The following FAM120B variants were observed in gnomAD, a reference collection of about 807,000 sequenced individuals.
FAM120B encodes constitutive coactivator of peroxisome proliferator-activated receptor gamma.
In FAM120B, 83 loss-of-function variants were observed where a neutral mutation model predicts 96.3. The ratio of observed to expected loss-of-function variants is 0.86; its 90% CI spans 0.72 to 1.03. The LOEUF (loss-of-function observed/expected upper bound fraction) is 1.03. Among genes scored for constraint, FAM120B ranks in the 50% least tolerant of loss-of-function variants. The probability of loss-of-function intolerance (pLI) is 0.00; values close to 1 mark genes in which losing one functional copy is unlikely to be tolerated. For missense variants in FAM120B, 1,027 were observed against 1,121.2 expected (o/e 0.92, Z 1.20); for synonymous variants, 407 against 402.7 (o/e 1.01, Z -0.13).
chr6:170,317,439 A>C lies in FAM120B; in HGVS notation c.49A>C (p.Ile17Leu), dbSNP rs113843282. The change falls in exon 2 of 11, where the codon ATA becomes CTA. Residue 17 changes from isoleucine to leucine, a missense_variant. Ile to Leu is a conservative substitution (Grantham distance 5, BLOSUM62 2). This residue lies in a region of FAM120B where 880 missense variants were observed against 980.9 expected (regional missense o/e 0.90). Transcript: ENST00000476287. ...QGFVGSTCPHICTVVNFKELA... is the reference protein window; with the variant it reads ...QGFVGSTCPHLCTVVNFKELA... ...ATTTGTGGGAAGTACCTGCCCACATATATGTACAGTAGTAAATTTCAAAGA... is the reference window on the plus strand; with the variant it reads ...ATTTGTGGGAAGTACCTGCCCACATCTATGTACAGTAGTAAATTTCAAAGA... 2 of 1,614,168 alleles carry C rather than the reference A, an allele frequency of 1.2e-6. No homozygotes were observed. The highest frequency in any genetic ancestry group is 2.2e-5 in the South Asian group (2 of 91,086).
At chr6:170,374,331 A>C (rs1022614) in intron 6 of FAM120B, among the ~76,000 whole-genome samples, 139,898 of 152,298 alleles carry the variant, frequency 0.92, 64,321 homozygotes, top group African/African-American at 0.95. Context: ...GGGAGCATGG[A>C]AAGTTTGGTT....
intron 1 of FAM120B, among the ~76,000 whole-genome samples, chr6:170,298,598 T>G (rs76288705): frequency 0.015 from 2,232 of 152,192 alleles, 51 homozygotes; most frequent in African/African-American, 0.052. Flanking sequence ...TAATAACTCA[T>G]GATCATACAA....
chr6:170,318,138 T>A lies in FAM120B; in HGVS notation c.748T>A (p.Tyr250Asn), dbSNP rs761682469. Reference sequence around the variant, plus strand: ...CTTTAGGTACAAATGCTTATCGTCCTACACCTCTGTAAAAGAGAACTTTGA... The same window carrying A: ...CTTTAGGTACAAATGCTTATCGTCCAACACCTCTGTAAAAGAGAACTTTGA... ...ESFRYKCLSSYTSVKENFDKK... is the reference protein window; with the variant it reads ...ESFRYKCLSSNTSVKENFDKK... The change falls in exon 2 of 11, where the codon TAC (tyrosine) becomes AAC (asparagine). Residue 250 changes from tyrosine (Y) to asparagine (N), a missense_variant. Physicochemically the swap from Tyr to Asn is moderately radical, Grantham distance 143 (BLOSUM62 -2). Transcript: ENST00000476287. 3 of 1,614,222 alleles carry A rather than the reference T, an allele frequency of 1.9e-6. No individual in the cohort carries two copies. The highest frequency in any genetic ancestry group is 2.5e-6 in the Non-Finnish European group (3 of 1,180,040).
At chr6:170,341,971 G>A (rs556753296) in intron 4 of FAM120B, among the ~76,000 whole-genome samples, 6 of 152,134 alleles carry the variant, frequency 3.9e-5, no homozygotes, top group Non-Finnish European at 8.8e-5. Flanking sequence ...GATTGATTAC[G>A]ATCATAGCCA....
intron 8 of FAM120B, among the ~76,000 whole-genome samples, chr6:170,393,782 A>G (rs1421673303): frequency 6.6e-6 from 1 of 152,152 alleles, no homozygotes; most frequent in Non-Finnish European, 1.5e-5. Context: ...CCCCAGCCCC[A>G]TGTTCTTGGG....
At chr6:170,305,536 GAAC>G, upstream of FAM120B, among the ~76,000 whole-genome samples, 1 of 152,276 alleles carries the variant, frequency 6.6e-6, no homozygotes, top group South Asian at 2.1e-4. Context: ...GTTTTTCCTA[GAAC>G]AATATTTGAC....
intron 6 of FAM120B, among the ~76,000 whole-genome samples, chr6:170,366,546 G>A (rs554072986): frequency 5.9e-5 from 9 of 152,286 alleles, no homozygotes; most frequent in East Asian, 1.9e-4. Context: ...GCCTACACCC[G>A]TCAGGGGCCC....
At chr6:170,401,188 C>T (rs533721100) in intron 9 of FAM120B, among the ~76,000 whole-genome samples, 1 of 152,314 alleles carries the variant, frequency 6.6e-6, no homozygotes, top group South Asian at 2.1e-4. Context: ...GCAGCAGATC[C>T]CTCGGCCATC....
Position 170,363,878 on chromosome 6 carries a change from A to G in FAM120B, c.2283+5560A>G, listed in dbSNP as rs1788615676. ...CTCCCGAGTAGCTGGGATTACGGGCATGCACCACCACACCCAGCTAATTTT... is the reference window on the plus strand; with the variant it reads ...CTCCCGAGTAGCTGGGATTACGGGCGTGCACCACCACACCCAGCTAATTTT... On this transcript the variant is annotated intron_variant, in intron 6 of 10. Coordinates refer to ENST00000476287, the MANE Select transcript of FAM120B (RefSeq NM_032448.3). The surrounding 1 kb of genome is among the most constrained non-coding windows in gnomAD (Gnocchi z 4.5). 6.6e-6 allele frequency among the ~76,000 whole-genome samples: 1 copy of G among 152,134 alleles called. No homozygotes were observed. Among genetic ancestry groups the G allele is most frequent in the South Asian group, 2.1e-4 (1 of 4,810 alleles).
At chr6:170,361,216 A>ACACG (rs577146615) in intron 6 of FAM120B, among the ~76,000 whole-genome samples, 1 of 106,862 alleles carries the variant, frequency 9.4e-6, no homozygotes, top group African/African-American at 3.8e-5. Context: ...ATATATATAT[A>ACACG]TATATATATA....
In FAM120B at chr6:170,323,243, A is replaced by G; in HGVS notation, c.1899A>G (p.Leu633=). ...RPIRQRVYSL[L]LEDCQDVTST... is the part of the protein sequence containing the mutation. ...TTCGACAGCGGGTCTACTCACTCTT[A>G]CTGGAGGACTGTCAAGGTGAGAATT... is the stretch of plus-strand genomic sequence containing the variant. The change falls in exon 3 of 11, where the codon TTA becomes TTG. Residue 633 remains leucine (L), a synonymous_variant. Transcript: ENST00000476287. The G allele has an allele frequency of 6.2e-7, 1 of 1,613,286 alleles. No individual in the cohort carries two copies. The highest frequency in any genetic ancestry group is 8.5e-7 in the Non-Finnish European group (1 of 1,179,634).
rs951841070 is a variant in FAM120B at position 170,405,900 on chromosome 6, A to C, written c.*1149A>C. On this transcript the variant is annotated 3_prime_UTR_variant, in exon 11 of 11. Coordinates refer to ENST00000476287, the MANE Select transcript of FAM120B (RefSeq NM_032448.3). ...ATCCAGTCACACAGGAAATCCACAGAGAGCATGCTGAGAGCAGCCAGCGGC... is the reference window on the plus strand; with the variant it reads ...ATCCAGTCACACAGGAAATCCACAGCGAGCATGCTGAGAGCAGCCAGCGGC... The C allele has an allele frequency of 8.5e-5, 13 of 152,348 alleles. No individual in the cohort carries two copies. The highest frequency in any genetic ancestry group is 3.4e-3 in the Middle Eastern group (1 of 294). 9.4% of individuals were successfully genotyped at this position (152,348 alleles called of 1,614,324 possible).
At chr6:170,312,592 C>T (rs544673944) in intron 1 of FAM120B, among the ~76,000 whole-genome samples, 13 of 152,326 alleles carry the variant, frequency 8.5e-5, no homozygotes, top group African/African-American at 2.9e-4. Flanking sequence ...GTGACATCAG[C>T]TGGCACCAGT....
intron 4 of FAM120B, among the ~76,000 whole-genome samples, chr6:170,342,495 A>T (rs1583231609): frequency 6.6e-6 from 1 of 151,958 alleles, no homozygotes; most frequent in East Asian, 1.9e-4. Flanking sequence ...CATGCCTTTC[A>T]CTCTTCTGTG....
rs1042492951 is a variant in FAM120B, at chr6:170,311,857, T to C, written c.-22+5015T>C. Among the ~76,000 whole-genome samples the C allele has an allele frequency of 7.2e-5, 11 of 152,348 alleles. No homozygotes were observed. The East Asian group carries it at 1.9e-3, about 27-fold the overall frequency. On this transcript the variant is annotated intron_variant, in intron 1 of 10. Coordinates refer to ENST00000476287, the MANE Select transcript of FAM120B (RefSeq NM_032448.3). ...ACAAGTGGGTCTGTTCTTGATGCAA[T>C]GCTTTTGGAGAAAAACTACCAATAT...
rs1349564727 is a variant in FAM120B at position 170,295,502 on chromosome 6, C to A, written c.48+49C>A. ...AAGGCGCGCGGCCCCCAGGCAGCCG[C>A]GCTTCCACAGCGGGCAGGAGCGCGA... On this transcript the variant is annotated intron_variant, in intron 1 of 10. Coordinates refer to the FAM120B transcript ENST00000537664. The surrounding 1 kb of genome is among the most constrained non-coding windows in gnomAD (Gnocchi z 7.8). 2.9e-6 allele frequency: 2 copies of A among 691,852 alleles called. No homozygotes were observed. The highest frequency in any genetic ancestry group is 5.3e-6 in the Non-Finnish European group (2 of 379,870). 42.9% of individuals were successfully genotyped at this position (691,852 alleles called of 1,614,324 possible). A position where few individuals can be genotyped will look rare whatever the true frequency, so the allele number is the denominator to read the frequency against.
intron 1 of FAM120B, among the ~76,000 whole-genome samples, chr6:170,316,951 A>T (rs1489576918): frequency 6.6e-6 from 1 of 152,188 alleles, no homozygotes; most frequent in Non-Finnish European, 1.5e-5. Flanking sequence ...GACTTCTTTT[A>T]CTCAGAAAAA....
At chr6:170,403,886 C>T (rs867983511) in intron 9 of FAM120B, among the ~76,000 whole-genome samples, 5 of 152,128 alleles carry the variant, frequency 3.3e-5, no homozygotes, top group South Asian at 2.1e-4. Context: ...CACCTTCTGC[C>T]GGAGCCCACA....
intron 2 of FAM120B, among the ~76,000 whole-genome samples, chr6:170,319,830 C>T (rs1481217087): frequency 6.6e-6 from 1 of 152,142 alleles, no homozygotes; most frequent in East Asian, 1.9e-4. Context: ...GGGAGAAAGT[C>T]CAGGCTAGAG....
Sources: allele counts gnomAD v4.1 joint callset (sites outside exome capture counted in the v4.1 genomes callset), GRCh38; gene constraint gnomAD v4.1.1; regional missense constraint gnomAD v4.1.1; non-coding constraint Gnocchi (gnomAD v3.1); transcripts MANE v1.5; gene names NCBI Gene and HGNC (gene_info 2026-07-23, HGNC 2026-07-21).